ADAM33: variants seen among roughly 807,000 people sequenced by gnomAD.
ADAM33 encodes ADAM metallopeptidase domain 33.
Under a neutral mutation model 106.2 loss-of-function variants are expected in ADAM33, and 103 were observed. That is an observed-to-expected ratio of 0.97 (90% CI 0.83 to 1.14). ADAM33 has a LOEUF of 1.14. Among genes scored for constraint, ADAM33 ranks in the 50% most tolerant of loss-of-function variants. ADAM33 has a pLI of 0.00. For missense variants in ADAM33, 1,120 were observed against 1,096.6 expected (o/e 1.02, Z -0.30); for synonymous variants, 483 against 453.0 (o/e 1.07, Z -0.84).
rs1422875974 is a variant in ADAM33 at position 3,681,993 on chromosome 20, C to T, written c.12G>A (p.Arg4=). Residue 4 remains arginine (R), a synonymous_variant, in exon 1 of 22, where the codon AGG becomes AGA. Transcript: ENST00000356518. ...ACGGGGTCCCCCGAGCTCTCCGGGG[C>T]CTCCAGCCCATAGCTGTGAGCTCCT... MGW[R]PRRARGTPLL... is the part of the protein sequence containing the mutation. 7 of 1,532,300 alleles carry T rather than the reference C, an allele frequency of 4.6e-6. No individual in the cohort carries two copies. The highest frequency in any genetic ancestry group is 2.6e-5 in the East Asian group (1 of 38,468). 94.9% of individuals were successfully genotyped at this position (1,532,300 alleles called of 1,614,324 possible).
At chr20:3,669,472 T>G in intron 20 of ADAM33, 74 bp downstream of exon 20, 1 of 1,544,118 alleles carries the variant, frequency 6.5e-7, no homozygotes, top group South Asian at 1.2e-5. Context: ...GTGCTGCCCA[T>G]CTGGAAGGAG....
At chr20:3,671,522 G>T in intron 16 of ADAM33, 26 bp from the exon 17 acceptor site, 1 of 1,609,880 alleles carries the variant, frequency 6.2e-7, no homozygotes, top group South Asian at 1.1e-5. Flanking sequence ...CAGGCAGTGA[G>T]GGGGACACTG....
chr20:3,681,861 A>G (rs1192112689), intron 1 of ADAM33, 47 bp downstream of exon 1: 3 of 1,578,730 alleles, frequency 1.9e-6, no homozygotes, highest in African/African-American at 2.8e-5. Flanking sequence ...CGCCACCACC[A>G]CCGCGCCTAG....
intron 1 of ADAM33, among the ~76,000 whole-genome samples, chr20:3,680,575 A>C (rs1307536289): frequency 2.0e-5 from 3 of 152,098 alleles, no homozygotes; most frequent in Non-Finnish European, 4.4e-5. Context: ...ATGAGGGCCG[A>C]GAGGAGTCTG....
Position 3,675,245 on chromosome 20 carries a change from G to A in ADAM33, c.255-140C>T. ...ACAGTGTGTCTTAGGGAAGGGACAG[G>A]AGCAATGGTGACTTGCTCAGATCAG... is the stretch of plus-strand genomic sequence containing the variant. On this transcript the variant is annotated intron_variant, in intron 3 of 21. Coordinates refer to ENST00000356518, the MANE Select transcript of ADAM33 (RefSeq NM_025220.5). This position sits in a 1 kb window ranked among gnomAD's most constrained non-coding sequence, Gnocchi z 4.1. 1.4e-5 allele frequency: 9 copies of A among 661,556 alleles called. No individual in the cohort carries two copies. The highest frequency in any genetic ancestry group is 2.7e-5 in the Admixed American group (1 of 36,988). 41.0% of individuals were successfully genotyped at this position (661,556 alleles called of 1,614,324 possible). A position where few individuals can be genotyped will look rare whatever the true frequency, so the allele number is the denominator to read the frequency against.
At chr20:3,673,986 T>A in intron 8 of ADAM33, 75 bp from the exon 9 acceptor site, 1 of 1,605,428 alleles carries the variant, frequency 6.2e-7, no homozygotes, top group Non-Finnish European at 8.5e-7. Flanking sequence ...GCGCCCTTCC[T>A]CTTCCCCAAA....
chr20:3,669,553 C>T lies in ADAM33; in HGVS notation c.2325G>A (p.Trp775Ter). ...CCCTGGTGCCTCACTCACCCAGGGG[C>T]CAGGGCTGTCCAGTGGCTGTGGGGC... Reference protein sequence around the residue: ...ELGPTATGQPWPLDPENSHEP... With the variant: ...ELGPTATGQP The change falls in exon 20 of 22, where the codon TGG becomes TGA. Residue 775 changes from tryptophan (W) to a stop codon, truncating the protein, a stop_gained. Coordinates refer to ENST00000356518, the MANE Select transcript of ADAM33 (RefSeq NM_025220.5). LOFTEE classifies it high-confidence loss of function. 6.3e-7 allele frequency: 1 copy of T among 1,592,490 alleles called. No homozygotes were observed. Among genetic ancestry groups the T allele is most frequent in the Non-Finnish European group, 8.5e-7 (1 of 1,170,212 alleles).
In ADAM33 at chr20:3,673,503, G is replaced by GGCC. The variant is rs755410900; in HGVS notation, c.991-10_991-8dup. ...TGGGGAGCTCCGAGTGGTCCTGGGG[G>GGCC]GCCGTGGGAGGGCGGTCACTGCGGC... is the stretch of plus-strand genomic sequence containing the variant. On this transcript the variant is annotated splice_region_variant and splice_polypyrimidine_tract_variant and intron_variant, in intron 10 of 21. Coordinates refer to ENST00000356518, the MANE Select transcript of ADAM33 (RefSeq NM_025220.5). The GGCC allele has an allele frequency of 7.5e-5, 111 of 1,483,238 alleles. No individual in the cohort carries two copies. Among genetic ancestry groups the GGCC allele is most frequent in the Admixed American group, 9.5e-5 (4 of 42,132 alleles). The allele number at this position is 1,483,238 out of a possible 1,614,324, so 91.9% of individuals were successfully genotyped here.
At chr20:3,670,810 CA>C (rs1890855871) in intron 19 of ADAM33, among the ~76,000 whole-genome samples, 195 bp downstream of exon 19, 1 of 152,166 alleles carries the variant, frequency 6.6e-6, no homozygotes, top group Non-Finnish European at 1.5e-5. Context: ...GGTGGTGGGG[CA>C]GGGATCCACC....
chr20:3,672,324 CT>C lies in ADAM33; in HGVS notation c.1406del (p.Lys469SerfsTer77). On this transcript the variant is annotated frameshift_variant, in exon 14 of 22. Coordinates refer to ENST00000356518, the MANE Select transcript of ADAM33 (RefSeq NM_025220.5). LOFTEE classifies it high-confidence loss of function. ...CCTGGCGGCACAGCGCTCCAGCCGG[CT>C]TCAGCTGCGCAGGTGACGGGTGGTG... Reference protein sequence around the residue: ...HGDCCVRCLLKPAGALCRQAM... With the variant: ...HGDCCVRCLLXPAGALCRQAM... The C allele has an allele frequency of 1.9e-6, 3 of 1,611,442 alleles. No homozygotes were observed. The highest frequency in any genetic ancestry group is 2.5e-6 in the Non-Finnish European group (3 of 1,179,522).
chr20:3,677,661 A>G (rs2088092848), intron 2 of ADAM33, among the ~76,000 whole-genome samples: 1 of 152,202 alleles, frequency 6.6e-6, no homozygotes, highest in Non-Finnish European at 1.5e-5. Context: ...TCCCTCTTCC[A>G]AAGTTTTCCT....
In ADAM33 at chr20:3,671,961, C is replaced by G; in HGVS notation, c.1622G>C (p.Cys541Ser). 3 of 1,555,950 alleles carry G rather than the reference C, an allele frequency of 1.9e-6. No homozygotes were observed. The highest frequency in any genetic ancestry group is 2.6e-6 in the Non-Finnish European group (3 of 1,149,402). Residue 541 changes from cysteine (C) to serine (S), a missense_variant, in exon 15 of 22, where the codon TGT becomes TCT. Physicochemically the swap from Cys to Ser is moderately radical, Grantham distance 112. Transcript: ENST00000356518. ...GPGSHPAPEA[C>S]FQVVNSAGDA... ...TCCCGCAGAGTTCACCACCTGGAAA[C>G]AGGCCTCGGGAGCTGGGTGGGAGCC... is the stretch of plus-strand genomic sequence containing the variant.
In ADAM33 at chr20:3,671,112, G is replaced by A. The variant is rs1458876172; in HGVS notation, c.2134C>T (p.Leu712=). 23 of 1,604,804 alleles carry A rather than the reference G, an allele frequency of 1.4e-5. No homozygotes were observed. Among genetic ancestry groups the A allele is most frequent in the Non-Finnish European group, 1.9e-5 (22 of 1,175,876 alleles). The change falls in exon 19 of 22, where the codon CTG becomes TTG. Residue 712 remains leucine, a synonymous_variant. Coordinates refer to ENST00000356518, the MANE Select transcript of ADAM33 (RefSeq NM_025220.5). ...FLLAMLLSVL[L]PLLPGAGLAW... ...AGGCCGGCCCCTGGGAGCAGAGGCAGCAGGACGCTGAGGAGCATGGCCAGC... is the reference window on the plus strand; with the variant it reads ...AGGCCGGCCCCTGGGAGCAGAGGCAACAGGACGCTGAGGAGCATGGCCAGC...
intron 2 of ADAM33, among the ~76,000 whole-genome samples, chr20:3,678,068 C>G (rs2088133603): frequency 6.6e-6 from 1 of 152,276 alleles, no homozygotes; most frequent in Non-Finnish European, 1.5e-5. Flanking sequence ...CCTTGCCTCC[C>G]TGGCCACAGG....
chr20:3,671,833 C>G, intron 15 of ADAM33, 44 bp downstream of exon 15: 1 of 1,551,504 alleles, frequency 6.4e-7, no homozygotes, highest in Middle Eastern at 1.7e-4. Flanking sequence ...TTCCCCAAAC[C>G]CACTCCATAG....
At chr20:3,681,758 A>C in intron 1 of ADAM33, 150 bp downstream of exon 1, 1 of 1,247,326 alleles carries the variant, frequency 8.0e-7, no homozygotes, top group African/African-American at 1.6e-5. Context: ...AGACCCCCCC[A>C]AAGAGTCCCC....
intron 1 of ADAM33, 121 bp downstream of exon 1, chr20:3,681,762 AGTCCCCACGCCCTGACCTACTGGCC>A: frequency 8.0e-7 from 1 of 1,255,522 alleles, no homozygotes; most frequent in Admixed American, 3.6e-5. Flanking sequence ...CCCCCCAAAG[AGTCCCCACGCCCTGACCTACTGGCC>A]GTATGGTGCC....
Position 3,668,047 on chromosome 20 carries a change from T to G in ADAM33, c.*916A>C, listed in dbSNP as rs931258631. 6.6e-6 allele frequency: 1 copy of G among 152,624 alleles called. No individual in the cohort carries two copies. Among genetic ancestry groups the G allele is most frequent in the African/African-American group, 2.4e-5 (1 of 41,484 alleles). 9.5% of individuals were successfully genotyped at this position (152,624 alleles called of 1,614,324 possible). ...AGGCTGGAGTGCAGTGGTGCCACCA[T>G]AGCTCACTGCAGTGTTGAACTCAGG... On this transcript the variant is annotated 3_prime_UTR_variant, in exon 22 of 22. Coordinates refer to ENST00000356518, the MANE Select transcript of ADAM33 (RefSeq NM_025220.5).
At chr20:3,680,300 G>C (rs2853211) in intron 1 of ADAM33, among the ~76,000 whole-genome samples, 30,328 of 151,932 alleles carry the variant, frequency 0.2, 3,154 homozygotes, top group South Asian at 0.24. Context: ...CCCTGCAGGA[G>C]CCAGGCCCCA....
Sources: gnomAD v4.1 joint callset for allele counts (sites outside exome capture counted in the v4.1 genomes callset) on GRCh38, gnomAD v4.1.1 for gene constraint, Gnocchi (gnomAD v3.1) non-coding constraint, MANE v1.5 for transcripts, NCBI Gene and HGNC (gene_info 2026-07-23, HGNC 2026-07-21) for gene names.